The following TEC variants were observed in gnomAD, a reference collection of about 807,000 sequenced individuals.
TEC encodes tyrosine-protein kinase Tec.
Under a neutral mutation model 93.0 loss-of-function variants are expected in TEC, and 72 were observed. That is an observed-to-expected ratio of 0.77 (90% CI 0.64 to 0.94). The LOEUF (loss-of-function observed/expected upper bound fraction) is 0.94. Ranked by LOEUF, TEC falls within the 40% of genes least tolerant of loss-of-function variation. The pLI is 0.00. For missense variants in TEC, 630 were observed against 757.9 expected, an observed-to-expected ratio of 0.83 and a Z score of 1.98; for synonymous variants, 249 against 247.7, an observed-to-expected ratio of 1.01 and a Z score of -0.05.
At chr4:48,152,643 T>C (rs1720222892) in intron 9 of TEC, among the ~76,000 whole-genome samples, 2 of 152,108 alleles carry the variant, frequency 1.3e-5, no homozygotes, top group African/African-American at 4.8e-5. Context: ...GGCTGGGTAA[T>C]TTGCACCAGG....
At chr4:48,247,554 T>C (rs1724094577) in intron 1 of TEC, among the ~76,000 whole-genome samples, 1 of 152,234 alleles carries the variant, frequency 6.6e-6, no homozygotes, top group Non-Finnish European at 1.5e-5. Context: ...GATATTATTC[T>C]ACCCTAAAAA....
intron 2 of TEC, among the ~76,000 whole-genome samples, chr4:48,178,834 T>G (rs747286453): frequency 1.2e-4 from 19 of 152,204 alleles, no homozygotes; most frequent in Admixed American, 2.0e-4. Flanking sequence ...CCTTCTCCTC[T>G]GTTCCTAAAA....
At chr4:48,223,620 T>C (rs1723338126) in intron 2 of TEC, among the ~76,000 whole-genome samples, 1 of 152,208 alleles carries the variant, frequency 6.6e-6, no homozygotes, top group Non-Finnish European at 1.5e-5. Context: ...TAGTGCTCAA[T>C]AGGTTGTATC....
chr4:48,136,662 A>G lies in TEC; in HGVS notation c.*754T>C, dbSNP rs1277118370. 2 of 152,158 alleles carry G rather than the reference A, an allele frequency of 1.3e-5. No homozygotes were observed. The highest frequency in any genetic ancestry group is 4.8e-5 in the African/African-American group (2 of 41,414). The allele number at this position is 152,158 out of a possible 1,614,324, so 9.4% of individuals were successfully genotyped here. A position where few individuals can be genotyped will look rare whatever the true frequency, so the allele number is the denominator to read the frequency against. ...AGTGAGGAGGGGGCGTTACTCATAG[A>G]AGAATCTAGACTTTCTTCTCTTCAG... On this transcript the variant is annotated 3_prime_UTR_variant, in exon 18 of 18. Transcript: ENST00000381501.
At chr4:48,160,159 C>G (rs1238925895) in intron 8 of TEC, among the ~76,000 whole-genome samples, 1 of 152,138 alleles carries the variant, frequency 6.6e-6, no homozygotes, top group Non-Finnish European at 1.5e-5. Flanking sequence ...AACAGAGAAG[C>G]AAAATATATC....
At chr4:48,139,047 T>C in intron 15 of TEC, 25 bp from the exon 16 acceptor site, 1 of 1,565,796 alleles carries the variant, frequency 6.4e-7, no homozygotes, top group Non-Finnish European at 8.8e-7. Context: ...ACCATGGGTT[T>C]ACACCTCTGA....
intron 2 of TEC, among the ~76,000 whole-genome samples, chr4:48,208,844 T>C (rs1722801382): frequency 6.6e-6 from 1 of 152,224 alleles, no homozygotes. Flanking sequence ...AAGTAGGTGC[T>C]TAAAATATTT....
chr4:48,144,105 A>C (rs1249745812), intron 14 of TEC, among the ~76,000 whole-genome samples: 1 of 152,034 alleles, frequency 6.6e-6, no homozygotes, highest in Non-Finnish European at 1.5e-5. Flanking sequence ...AGTCTCAGCT[A>C]CTTGGGGGCT....
chr4:48,205,532 G>A (rs573289207), intron 2 of TEC, among the ~76,000 whole-genome samples: 24 of 152,238 alleles, frequency 1.6e-4, no homozygotes, highest in African/African-American at 5.8e-4. Flanking sequence ...ATCAAATAAA[G>A]AGGAGGTTCC....
chr4:48,185,523 C>CATTATTCAAAATTCTTGG (rs1721785283), intron 2 of TEC, among the ~76,000 whole-genome samples: 1 of 152,144 alleles, frequency 6.6e-6, no homozygotes, highest in Non-Finnish European at 1.5e-5. Flanking sequence ...ACTTGGCATT[C>CATTATTCAAAATTCTTGG]CATTACTTGG....
At position 48,199,455 on chromosome 4, in the gene TEC, CTTTTTTTTTTT is replaced by C. The variant is rs34965891; in HGVS notation, c.139-23280_139-23270del. 2.5e-4 allele frequency among the ~76,000 whole-genome samples: 17 copies of C among 67,362 alleles called. 1 individual carries two copies. Among genetic ancestry groups the C allele is most frequent in the South Asian group, 6.6e-4 (1 of 1,504 alleles). The allele number at this position is 67,362 out of a possible 152,430, so 44.2% of individuals were successfully genotyped here. On this transcript the variant is annotated intron_variant, in intron 2 of 17. Coordinates refer to ENST00000381501, the MANE Select transcript of TEC (RefSeq NM_003215.3). ...CTGGGCTACAGAAAGGATTTTCTTTCTTTTTTTTTTTTTTTTTTTTTTTTTTTTTGAGACAA... is the reference window on the plus strand; with the variant it reads ...CTGGGCTACAGAAAGGATTTTCTTTCTTTTTTTTTTTTTTTTTTGAGACAA...
intron 2 of TEC, among the ~76,000 whole-genome samples, chr4:48,223,453 A>C (rs1198969794): frequency 1.3e-5 from 2 of 152,204 alleles, no homozygotes; most frequent in African/African-American, 4.8e-5. Context: ...AGGTGTGCGC[A>C]ATCTCTTGTA....
intron 1 of TEC, among the ~76,000 whole-genome samples, chr4:48,242,909 C>A (rs1723956954): frequency 6.6e-6 from 1 of 152,166 alleles, no homozygotes; most frequent in Non-Finnish European, 1.5e-5. Context: ...AACTTACAAA[C>A]TCTGTGGGTC....
intron 8 of TEC, among the ~76,000 whole-genome samples, chr4:48,162,204 T>C (rs1720698352): frequency 6.6e-6 from 1 of 152,216 alleles, no homozygotes; most frequent in African/African-American, 2.4e-5. Context: ...CTTGGTCATC[T>C]ACTGGGCATG....
intron 7 of TEC, among the ~76,000 whole-genome samples, chr4:48,167,190 C>CA (rs1008684779): frequency 1.1e-4 from 16 of 151,294 alleles, no homozygotes; most frequent in Non-Finnish European, 1.8e-4. Flanking sequence ...TTAACTTGTA[C>CA]AAAAAAAAGC....
At chr4:48,263,760 T>A (rs192703499) in intron 1 of TEC, among the ~76,000 whole-genome samples, 1 of 152,268 alleles carries the variant, frequency 6.6e-6, no homozygotes, top group East Asian at 1.9e-4. Flanking sequence ...ATGCCAGTAA[T>A]CTACGTACCA....
At chr4:48,181,084 C>T (rs372375084) in intron 2 of TEC, among the ~76,000 whole-genome samples, 15 of 152,038 alleles carry the variant, frequency 9.9e-5, no homozygotes, top group South Asian at 2.1e-4. Flanking sequence ...CCAGGAAACA[C>T]GGACACCATG....
intron 12 of TEC, 152 bp downstream of exon 12, chr4:48,146,173 C>CTA: frequency 1.7e-6 from 1 of 601,702 alleles, no homozygotes; most frequent in Admixed American, 3.2e-5. Flanking sequence ...ACCTAGGCTG[C>CTA]TATGGTCTTA....
At chr4:48,193,633 T>A (rs1722172304) in intron 2 of TEC, among the ~76,000 whole-genome samples, 1 of 152,178 alleles carries the variant, frequency 6.6e-6, no homozygotes, top group African/African-American at 2.4e-5. Flanking sequence ...TTATTTTTCT[T>A]AGCAACAAAA....
Sources: gnomAD v4.1 joint callset for allele counts (sites outside exome capture counted in the v4.1 genomes callset) on GRCh38, gnomAD v4.1.1 for gene constraint, MANE v1.5 for transcripts, NCBI Gene and HGNC (gene_info 2026-07-23, HGNC 2026-07-21) for gene names.